Variants in RNPEP observed in about 807,000 individuals in gnomAD.
RNPEP encodes arginyl aminopeptidase.
In RNPEP, 57 loss-of-function variants were observed where a neutral mutation model predicts 70.1. The observed-to-expected ratio is 0.81, with a 90% CI of 0.66 to 1.01. RNPEP has a LOEUF of 1.01. Among genes scored for constraint, RNPEP ranks in the 50% least tolerant of loss-of-function variants. The pLI is 0.00. For synonymous variants in RNPEP, 335 were observed against 357.4 expected, an observed-to-expected ratio of 0.94 and a Z score of 0.71; for missense variants, 787 against 852.4, an observed-to-expected ratio of 0.92 and a Z score of 0.96.
In RNPEP at chr1:202,004,277, C is replaced by T. The variant is rs188097466; in HGVS notation, c.1652-77C>T. On this transcript the variant is annotated intron_variant, in intron 9 of 10. Transcript: ENST00000295640. Reference sequence around the variant, plus strand: ...TCCTGACCTCAAGTGATCCGCCCACCTCAGCCTCCCAAAATTCTAGTATTA... The same window carrying T: ...TCCTGACCTCAAGTGATCCGCCCACTTCAGCCTCCCAAAATTCTAGTATTA... 7.9e-4 allele frequency: 1,213 copies of T among 1,540,300 alleles called. 4 individuals carry two copies. The African/African-American group carries it at 0.015, about 19-fold the overall frequency.
chr1:201,983,517 G>C (rs1166185324), intron 1 of RNPEP: 1 of 1,329,378 alleles, frequency 7.5e-7, no homozygotes, highest in African/African-American at 1.5e-5. Context: ...TTGGGCCGAG[G>C]TACCTGATTA....
rs1684044570 is a variant in RNPEP, at chr1:202,005,869, C to G, written c.*153C>G. ...GCTTAGGTATCTGTGACTCTTGGGC[C>G]TCTGCTCTGGTGGGAACTTACTTCT... On this transcript the variant is annotated 3_prime_UTR_variant, in exon 11 of 11. Coordinates refer to ENST00000295640, the MANE Select transcript of RNPEP (RefSeq NM_020216.4). 1 of 911,842 alleles carries G rather than the reference C, an allele frequency of 1.1e-6. No individual in the cohort carries two copies. The highest frequency in any genetic ancestry group is 1.6e-6 in the Non-Finnish European group (1 of 610,776). 56.5% of individuals were successfully genotyped at this position (911,842 alleles called of 1,614,324 possible).
At chr1:201,994,199 G>A (rs1172601444) in intron 3 of RNPEP, among the ~76,000 whole-genome samples, 1 of 152,128 alleles carries the variant, frequency 6.6e-6, no homozygotes, top group Non-Finnish European at 1.5e-5. Context: ...CCAAGGCTCT[G>A]TCTTTGACCT....
intron 6 of RNPEP, 33 bp from the exon 7 acceptor site, chr1:202,001,343 A>C (rs1166462850): frequency 6.8e-7 from 1 of 1,472,154 alleles, no homozygotes; most frequent in Non-Finnish European, 9.5e-7. Context: ...AGGCTACAAA[A>C]GCTCAAATCT....
At chr1:201,995,868 C>T in intron 3 of RNPEP, 1 of 358,064 alleles carries the variant, frequency 2.8e-6, no homozygotes, top group East Asian at 4.6e-5. Flanking sequence ...CTGAGGCTCA[C>T]AGAGGTTAAA....
In RNPEP at chr1:201,994,313, A is replaced by G. The variant is rs146186337; in HGVS notation, c.738-1834A>G. ...GGATGATATCTTAAAACTAAATCTG[A>G]TAATGTCACTTGTTGGCTTAAAATG... On this transcript the variant is annotated intron_variant, in intron 3 of 10. Coordinates refer to ENST00000295640, the MANE Select transcript of RNPEP (RefSeq NM_020216.4). Among the ~76,000 whole-genome samples the G allele has an allele frequency of 3.9e-5, 6 of 152,206 alleles. 1 individual carries two copies. Among genetic ancestry groups the G allele is most frequent in the African/African-American group, 1.4e-4 (6 of 41,540 alleles).
intron 1 of RNPEP, chr1:201,983,434 C>T (rs927785046): frequency 1.5e-5 from 22 of 1,457,882 alleles, no homozygotes; most frequent in Admixed American, 2.1e-5. Flanking sequence ...CGCACACTGC[C>T]GTTTCTAACA....
At chr1:201,994,810 G>A (rs537325935) in intron 3 of RNPEP, among the ~76,000 whole-genome samples, 72 of 149,100 alleles carry the variant, frequency 4.8e-4, no homozygotes, top group African/African-American at 1.7e-3. Context: ...GGGATTACAG[G>A]CATACACTAC....
intron 1 of RNPEP, among the ~76,000 whole-genome samples, chr1:201,986,528 T>TTTTC (rs201973068): frequency 0.069 from 7,006 of 102,034 alleles, 619 homozygotes; most frequent in African/African-American, 0.21. Context: ...TAAAGTGCCA[T>TTTTC]TTTCTTTCTT....
rs1233993709 is a variant in RNPEP, at chr1:202,005,736, C to T, written c.*20C>T. On this transcript the variant is annotated 3_prime_UTR_variant, in exon 11 of 11. Transcript: ENST00000295640. ...AGTTAGAGGCTCGTGTGCATGGCCCCTGCCTCTTCAGGCTCTCCAGGCTTT... is the reference window on the plus strand; with the variant it reads ...AGTTAGAGGCTCGTGTGCATGGCCCTTGCCTCTTCAGGCTCTCCAGGCTTT... 7 of 1,612,102 alleles carry T rather than the reference C, an allele frequency of 4.3e-6. No individual in the cohort carries two copies. The African/African-American group carries it at 8.0e-5, about 18-fold the overall frequency.
Position 201,982,707 on chromosome 1 carries a change from G to C in RNPEP, c.41G>C (p.Arg14Pro), listed in dbSNP as rs770984111. The C allele has an allele frequency of 5.0e-6, 7 of 1,398,370 alleles. No homozygotes were observed. The highest frequency in any genetic ancestry group is 3.1e-5 in the South Asian group (2 of 63,836). The allele number at this position is 1,398,370 out of a possible 1,614,324, so 86.6% of individuals were successfully genotyped here. A position where few individuals can be genotyped will look rare whatever the true frequency, so the allele number is the denominator to read the frequency against. The change falls in exon 1 of 11, where the codon CGG becomes CCG. Residue 14 changes from arginine to proline, a missense_variant. By Grantham distance (103) the Arg-to-Pro change is moderately radical. Transcript: ENST00000295640. ...CATTCCCCCGGCAGCGGCGCGGCCCGGCGGCCGCTGCACTCCGCGCAGGCT... is the reference window on the plus strand; with the variant it reads ...CATTCCCCCGGCAGCGGCGCGGCCCCGCGGCCGCTGCACTCCGCGCAGGCT... The part of the protein sequence containing the change: ...GEHSPGSGAA[R>P]RPLHSAQAVD...
chr1:202,004,243 G>T (rs1309301121), intron 9 of RNPEP, 111 bp from the exon 10 acceptor site: 2 of 1,187,628 alleles, frequency 1.7e-6, no homozygotes, highest in East Asian at 4.8e-5. Flanking sequence ...GGCCAGGCTG[G>T]TCTCACATTC....
intron 10 of RNPEP, among the ~76,000 whole-genome samples, chr1:202,005,113 G>A (rs981343073): frequency 6.6e-6 from 1 of 152,176 alleles, no homozygotes; most frequent in Non-Finnish European, 1.5e-5. Context: ...TTGTGATGTC[G>A]CTGGCTTATA....
In RNPEP at chr1:201,988,954, G is replaced by T; in HGVS notation, c.498G>T (p.Val166=). The part of the protein sequence containing the change: ...EQTAGKKKPF[V]YTQGQAVLNR... Reference sequence around the variant, plus strand: ...CAGCAGGAAAGAAGAAGCCCTTCGTGTACACCCAGGGCCAGGCTGTCCTAA... The same window carrying T: ...CAGCAGGAAAGAAGAAGCCCTTCGTTTACACCCAGGGCCAGGCTGTCCTAA... Residue 166 remains valine (V), a synonymous_variant, in exon 2 of 11, where the codon GTG becomes GTT. Transcript: ENST00000295640. 1 of 1,613,956 alleles carries T rather than the reference G, an allele frequency of 6.2e-7. No individual in the cohort carries two copies. Among genetic ancestry groups the T allele is most frequent in the African/African-American group, 1.3e-5 (1 of 75,030 alleles).
At position 201,999,375 on chromosome 1, in the gene RNPEP, C is replaced by T. The variant is rs1297735810; in HGVS notation, c.1091-527C>T. ...CCAACGTGGTAAAGCCCCCTCTCTACTAAAAATACAAAAATTAGCTGGGCG... is the reference window on the plus strand; with the variant it reads ...CCAACGTGGTAAAGCCCCCTCTCTATTAAAAATACAAAAATTAGCTGGGCG... On this transcript the variant is annotated intron_variant, in intron 5 of 10. Coordinates refer to ENST00000295640, the MANE Select transcript of RNPEP (RefSeq NM_020216.4). Among the ~76,000 whole-genome samples, 8 of 152,102 alleles carry T rather than the reference C, an allele frequency of 5.3e-5. No homozygotes were observed. In the East Asian group the frequency reaches 1.4e-3, roughly 26 times the overall value.
At chr1:202,002,303 A>G (rs1683857516) in intron 8 of RNPEP, among the ~76,000 whole-genome samples, 1 of 151,820 alleles carries the variant, frequency 6.6e-6, no homozygotes, top group South Asian at 2.1e-4. Context: ...AGCTGGGATT[A>G]CAGGCACGCG....
At chr1:201,991,916 G>A (rs958168061) in intron 3 of RNPEP, among the ~76,000 whole-genome samples, 34 of 152,000 alleles carry the variant, frequency 2.2e-4, no homozygotes, top group African/African-American at 3.1e-4. Context: ...ACTGACTGCC[G>A]TCCCATGATC....
chr1:201,989,809 T>C (rs147512736), intron 3 of RNPEP, among the ~76,000 whole-genome samples: 2 of 152,118 alleles, frequency 1.3e-5, no homozygotes, highest in Non-Finnish European at 2.9e-5. Flanking sequence ...TACAGAGGGA[T>C]GTTGGAATTT....
At position 201,999,319 on chromosome 1, in the gene RNPEP, A is replaced by G. The variant is rs188927183; in HGVS notation, c.1091-583A>G. On this transcript the variant is annotated intron_variant, in intron 5 of 10. Transcript: ENST00000295640. ...AGCACTTTGGGAGGCCAAGGCGGGCATATCACCTGAGATCAGGAGTTTGAG... is the reference window on the plus strand; with the variant it reads ...AGCACTTTGGGAGGCCAAGGCGGGCGTATCACCTGAGATCAGGAGTTTGAG... Among the ~76,000 whole-genome samples the G allele has an allele frequency of 2.6e-4, 40 of 152,170 alleles. 1 individual carries two copies. Among genetic ancestry groups the G allele is most frequent in the African/African-American group, 7.7e-4 (32 of 41,548 alleles).
Sources: gnomAD v4.1 joint callset for allele counts (sites outside exome capture counted in the v4.1 genomes callset) on GRCh38, gnomAD v4.1.1 for gene constraint, MANE v1.5 for transcripts, NCBI Gene and HGNC (gene_info 2026-07-23, HGNC 2026-07-21) for gene names.